The following CEMIP2 variants were observed in gnomAD, a reference collection of about 807,000 sequenced individuals.
CEMIP2 encodes cell migration inducing hyaluronidase 2, also known as cell surface hyaluronidase CEMIP2.
Under a neutral mutation model 146.9 loss-of-function variants are expected in CEMIP2, and 79 were observed. That is an observed-to-expected ratio of 0.54 (90% CI 0.45 to 0.65). CEMIP2 has a LOEUF of 0.65. Ranked by LOEUF, CEMIP2 falls within the 30% of genes least tolerant of loss-of-function variation. CEMIP2 has a pLI of 0.00. For missense variants in CEMIP2, 1,596 were observed against 1,696.2 expected (o/e 0.94, Z 1.04); for synonymous variants, 601 against 606.3 (o/e 0.99, Z 0.13).
chr9:71,756,504 T>A (rs62544880), intron 1 of CEMIP2, among the ~76,000 whole-genome samples: 11,601 of 111,134 alleles, frequency 0.1, 490 homozygotes, highest in Non-Finnish European at 0.13. Context: ...TCTCTCTCTC[T>A]CTCACACACA....
intron 17 of CEMIP2, among the ~76,000 whole-genome samples, chr9:71,705,226 T>A (rs1416411061): frequency 6.6e-6 from 1 of 151,960 alleles, no homozygotes; most frequent in Non-Finnish European, 1.5e-5. Flanking sequence ...AACTTATATA[T>A]CTTAGAGCTT....
At chr9:71,740,559 C>T (rs62549278) in intron 4 of CEMIP2, among the ~76,000 whole-genome samples, 10,771 of 152,218 alleles carry the variant, frequency 0.071, 542 homozygotes, top group South Asian at 0.19. Context: ...TTTACTTTCT[C>T]TTAAAATGAT....
chr9:71,694,744 A>T (rs1456030837), intron 20 of CEMIP2, 137 bp from the exon 21 acceptor site: 1 of 611,192 alleles, frequency 1.6e-6, no homozygotes, highest in East Asian at 2.9e-5. Context: ...TTCATGACCT[A>T]GAATTCCATC....
At chr9:71,755,950 ACT>A (rs1824422869) in intron 1 of CEMIP2, among the ~76,000 whole-genome samples, 1 of 113,028 alleles carries the variant, frequency 8.8e-6, no homozygotes, top group South Asian at 3.1e-4. Context: ...ACAGAGCATG[ACT>A]CTGTCTCACA....
At chr9:71,699,034 TAAA>T (rs34810834) in intron 19 of CEMIP2, among the ~76,000 whole-genome samples, 2,312 of 132,820 alleles carry the variant, frequency 0.017, 50 homozygotes, top group African/African-American at 0.053. Flanking sequence ...CTGAGAGCAT[TAAA>T]AAAAAAAAAA....
intron 1 of CEMIP2, among the ~76,000 whole-genome samples, chr9:71,764,905 C>G (rs1824741857): frequency 6.7e-6 from 1 of 149,442 alleles, no homozygotes; most frequent in African/African-American, 2.5e-5. Flanking sequence ...AAGGCAGATG[C>G]ATAGCTTTTC....
intron 7 of CEMIP2, 119 bp downstream of exon 7, chr9:71,732,232 A>G: frequency 9.3e-7 from 1 of 1,080,022 alleles, no homozygotes. Flanking sequence ...GTCATTTGAG[A>G]AACAAAACAT....
chr9:71,706,027 G>A (rs1051449351), intron 17 of CEMIP2, among the ~76,000 whole-genome samples: 6 of 151,858 alleles, frequency 4.0e-5, no homozygotes, highest in African/African-American at 7.2e-5. Flanking sequence ...TCAGGAGTTC[G>A]ACACCAGCCT....
chr9:71,710,554 A>G (rs537513367), intron 16 of CEMIP2, among the ~76,000 whole-genome samples: 1 of 152,356 alleles, frequency 6.6e-6, no homozygotes, highest in East Asian at 1.9e-4. Flanking sequence ...CCCACCATAG[A>G]AAACTCCAGA....
Position 71,730,863 on chromosome 9 carries a change from T to C in CEMIP2, c.1615A>G (p.Met539Val), listed in dbSNP as rs1277214751. ...TATCGCCCCATCTGCTGCTGACCCA[T>C]GTGTTTCAATTCCACATAAGAAAGA... ...VHLSYVELKH[M>V]GQQQMGRYPV... is the part of the protein sequence containing the mutation. Residue 539 changes from methionine (M) to valine (V), a missense_variant, in exon 8 of 24, where the codon ATG becomes GTG. Met to Val is a conservative substitution (Grantham distance 21). Transcript: ENST00000377044. 8 of 1,614,186 alleles carry C rather than the reference T, an allele frequency of 5.0e-6. No homozygotes were observed. Among genetic ancestry groups the C allele is most frequent in the Non-Finnish European group, 5.9e-6 (7 of 1,180,030 alleles).
chr9:71,755,346 T>TACACACAAACAC (rs1363675174), intron 1 of CEMIP2, among the ~76,000 whole-genome samples: 11 of 134,934 alleles, frequency 8.2e-5, no homozygotes, highest in African/African-American at 3.1e-4. Context: ...ACCCTGTCTC[T>TACACACAAACAC]ACACACACAC....
rs550669719 is a variant in CEMIP2 at position 71,749,226 on chromosome 9, G to C, written c.331+817C>G. Among the ~76,000 whole-genome samples, 8 of 152,202 alleles carry C rather than the reference G, an allele frequency of 5.3e-5. No individual in the cohort carries two copies. In the South Asian group the frequency reaches 1.4e-3, roughly 28 times the overall value. On this transcript the variant is annotated intron_variant, in intron 2 of 23. Coordinates refer to ENST00000377044, the MANE Select transcript of CEMIP2 (RefSeq NM_013390.3). ...GACTGATTTTTAGACAAAGGTGTCA[G>C]AACTTATATATCCTAAAGGATGCTT...
intron 20 of CEMIP2, 117 bp downstream of exon 20, chr9:71,697,868 T>C (rs533293780): frequency 8.8e-6 from 9 of 1,027,478 alleles, no homozygotes; most frequent in Non-Finnish European, 1.3e-5. Flanking sequence ...ATTCAGGAGA[T>C]GCCATGCAAT....
At chr9:71,715,625 G>GATATACATATATATAT (rs1554682972) in intron 14 of CEMIP2, among the ~76,000 whole-genome samples, 4 of 119,080 alleles carry the variant, frequency 3.4e-5, no homozygotes, top group South Asian at 3.0e-4. Context: ...TCCCTCTTAA[G>GATATACATATATATAT]ATATATATAT....
At chr9:71,728,215 C>T (rs1589148966) in intron 10 of CEMIP2, among the ~76,000 whole-genome samples, 1 of 36,942 alleles carries the variant, frequency 2.7e-5, no homozygotes, top group Non-Finnish European at 6.1e-5. Flanking sequence ...CTCTCTCTCT[C>T]TCTCTCTCTC....
At position 71,747,357 on chromosome 9, in the gene CEMIP2, T is replaced by C. The variant is rs533795490; in HGVS notation, c.332-1016A>G. Among the ~76,000 whole-genome samples the C allele has an allele frequency of 1.9e-3, 294 of 152,238 alleles. 1 individual carries two copies. The highest frequency in any genetic ancestry group is 3.4e-3 in the Middle Eastern group (1 of 294). On this transcript the variant is annotated intron_variant, in intron 2 of 23. Coordinates refer to ENST00000377044, the MANE Select transcript of CEMIP2 (RefSeq NM_013390.3). ...TGAAATAATGAAACACTGAACAATA[T>C]GGTAGTCAGTCGAGGTTCAAAAGAC...
chr9:71,744,947 T>C (rs1589160594), intron 4 of CEMIP2, 71 bp downstream of exon 4: 8 of 1,506,284 alleles, frequency 5.3e-6, no homozygotes, highest in Non-Finnish European at 1.8e-6. Context: ...CTGTGGCTCC[T>C]TTCCCCACCC....
intron 1 of CEMIP2, among the ~76,000 whole-genome samples, chr9:71,763,309 C>G (rs1824694466): frequency 6.6e-6 from 1 of 152,080 alleles, no homozygotes; most frequent in South Asian, 2.1e-4. Flanking sequence ...AGTAAGAGCC[C>G]CCAAATCGAT....
chr9:71,690,301 G>A, intron 21 of CEMIP2, 55 bp from the exon 22 acceptor site: 1 of 1,582,576 alleles, frequency 6.3e-7, no homozygotes, highest in Non-Finnish European at 8.6e-7. Flanking sequence ...ACATCTGCAG[G>A]ATGACTCATT....
Sources: allele counts gnomAD v4.1 joint callset (sites outside exome capture counted in the v4.1 genomes callset), GRCh38; gene constraint gnomAD v4.1.1; transcripts MANE v1.5; gene names NCBI Gene and HGNC (gene_info 2026-07-23, HGNC 2026-07-21).